The following CELF4 variants were observed in gnomAD, a reference collection of about 807,000 sequenced individuals.
The protein encoded by CELF4 is CUG-BP- and ETR-3-like factor 4.
CELF4 carries 18 observed loss-of-function variants against 59.9 expected under a neutral mutation model. The observed-to-expected ratio is 0.30, with a 90% CI of 0.21 to 0.45. CELF4 has a LOEUF of 0.45. Among genes scored for constraint, CELF4 ranks in the 20% least tolerant of loss-of-function variants. The pLI, the probability that CELF4 is intolerant of heterozygous loss-of-function variation, is 1.00. For missense variants in CELF4, 456 were observed against 689.0 expected (o/e 0.66, Z 3.79); for synonymous variants, 261 against 267.1 (o/e 0.98, Z 0.22).
chr18:37,346,221 C>A (rs371679623), intron 2 of CELF4, among the ~76,000 whole-genome samples: 2 of 152,204 alleles, frequency 1.3e-5, no homozygotes, highest in East Asian at 3.8e-4. Context: ...TCTAGTGCAG[C>A]TGCATTCCGG....
chr18:37,565,310 C>G (rs769509054), intron 1 of CELF4, 46 bp downstream of exon 1: 89 of 1,460,724 alleles, frequency 6.1e-5, no homozygotes, highest in Non-Finnish European at 8.2e-6. Context: ...GGCCCGCCAG[C>G]CCGCTCCTGC....
rs981661666 is a variant in CELF4 at position 37,273,217 on chromosome 18, C to T, written c.802-54G>A. ...ACGTGCTTCCAGGGGGCATCCCTCC[C>T]CGACAGGGGCCTCAGCTCCTGGAGA... On this transcript the variant is annotated intron_variant, in intron 6 of 12. Transcript: ENST00000420428. The T allele has an allele frequency of 2.5e-6, 4 of 1,571,406 alleles. No homozygotes were observed. In the African/African-American group the frequency reaches 5.4e-5, roughly 21 times the overall value.
chr18:37,542,081 C>T (rs1458219071), intron 1 of CELF4, among the ~76,000 whole-genome samples: 1 of 152,080 alleles, frequency 6.6e-6, no homozygotes, highest in Non-Finnish European at 1.5e-5. Context: ...TTATTCAATC[C>T]TGATGGTGTT....
At chr18:37,494,712 C>T (rs974440589) in intron 1 of CELF4, among the ~76,000 whole-genome samples, 2 of 152,142 alleles carry the variant, frequency 1.3e-5, no homozygotes, top group East Asian at 1.9e-4. Context: ...AGAGCAGAGA[C>T]TCTGGTATCC....
chr18:37,505,501 C>T (rs963198374), intron 1 of CELF4, among the ~76,000 whole-genome samples: 4 of 152,078 alleles, frequency 2.6e-5, no homozygotes, highest in East Asian at 1.9e-4. Flanking sequence ...TTTTGGGAGC[C>T]GAAACGTCGG....
chr18:37,565,208 G>A (rs1446529867), intron 1 of CELF4, 148 bp downstream of exon 1: 2 of 785,722 alleles, frequency 2.5e-6, no homozygotes, highest in African/African-American at 1.8e-5. Context: ...CCCCAGCTCT[G>A]GTCTCCGCTG....
intron 2 of CELF4, among the ~76,000 whole-genome samples, chr18:37,403,783 T>C (rs892757142): frequency 1.3e-5 from 2 of 152,208 alleles, no homozygotes; most frequent in African/African-American, 4.8e-5. Context: ...TGCAGGCTCA[T>C]GCAGATGCTG....
At chr18:37,407,130 C>T (rs973706420) in intron 2 of CELF4, among the ~76,000 whole-genome samples, 2 of 152,166 alleles carry the variant, frequency 1.3e-5, no homozygotes, top group South Asian at 2.1e-4. Context: ...CTTTGTGCCT[C>T]ACTTTCCTCC....
At chr18:37,519,703 C>T (rs1409275510) in intron 1 of CELF4, among the ~76,000 whole-genome samples, 2 of 152,228 alleles carry the variant, frequency 1.3e-5, no homozygotes, top group Non-Finnish European at 2.9e-5. Context: ...CGTCCCCCCT[C>T]AGTGGCCTGG....
chr18:37,435,786 C>A (rs1169050551), intron 2 of CELF4, among the ~76,000 whole-genome samples: 2 of 152,210 alleles, frequency 1.3e-5, no homozygotes, highest in Non-Finnish European at 2.9e-5. Context: ...GTAGCCCACC[C>A]TAGCGTGTCT....
chr18:37,443,775 C>G (rs979797012), intron 2 of CELF4, among the ~76,000 whole-genome samples: 3 of 152,170 alleles, frequency 2.0e-5, no homozygotes, highest in Non-Finnish European at 4.4e-5. Flanking sequence ...GAGCCTCCTT[C>G]TGTGTTCACA....
chr18:37,386,166 C>T (rs948293742), intron 2 of CELF4, among the ~76,000 whole-genome samples: 7 of 152,202 alleles, frequency 4.6e-5, no homozygotes, highest in African/African-American at 1.2e-4. Context: ...GCACATACCC[C>T]GCTGTCCCCC....
chr18:37,264,709 T>A lies in CELF4; in HGVS notation c.1214A>T (p.Gln405Leu). Residue 405 changes from glutamine to leucine, a missense_variant, in exon 10 of 13, where the codon CAG (glutamine) becomes CTG (leucine). Physicochemically the swap from Gln to Leu is moderately radical, Grantham distance 113 (BLOSUM62 -2). Coordinates refer to ENST00000420428, the MANE Select transcript of CELF4 (RefSeq NM_020180.4). Reference sequence around the variant, plus strand: ...CTGCTGGGGGATCATTGGAGGCGGCTGAGGAAAGGCCTGGCTTATCTGACC... The same window carrying A: ...CTGCTGGGGGATCATTGGAGGCGGCAGAGGAAAGGCCTGGCTTATCTGACC... ...AYGQISQAFP[Q>L]PPPMIPQQQR... is the part of the protein sequence containing the mutation. The A allele has an allele frequency of 6.3e-7, 1 of 1,581,134 alleles. No homozygotes were observed.
intron 1 of CELF4, among the ~76,000 whole-genome samples, chr18:37,526,881 CT>C (rs762016268): frequency 0.2 from 872 of 4,276 alleles, 15 homozygotes; most frequent in Middle Eastern, 0.5. Context: ...ATTATGAAAA[CT>C]CGATTTGCAA....
intron 2 of CELF4, among the ~76,000 whole-genome samples, chr18:37,403,145 G>T (rs2099349333): frequency 6.6e-6 from 1 of 151,826 alleles, no homozygotes; most frequent in Non-Finnish European, 1.5e-5. Context: ...GACAGGCAGA[G>T]AGAGAAGGAA....
intron 1 of CELF4, among the ~76,000 whole-genome samples, chr18:37,542,154 G>A (rs1229846613): frequency 6.6e-6 from 1 of 152,138 alleles, no homozygotes; most frequent in Non-Finnish European, 1.5e-5. Context: ...TCCTGGACTG[G>A]CTCTTGTGTA....
At chr18:37,257,314 G>T (rs971125465) in intron 11 of CELF4, among the ~76,000 whole-genome samples, 2 of 152,160 alleles carry the variant, frequency 1.3e-5, no homozygotes, top group Non-Finnish European at 2.9e-5. Context: ...TAACATTTGG[G>T]ACTTCCTTAA....
chr18:37,474,102 T>C (rs1425151442), intron 2 of CELF4: 1 of 152,256 alleles, frequency 6.6e-6, no homozygotes, highest in Admixed American at 6.5e-5. Flanking sequence ...TGCATGGTTA[T>C]GTTGCTGAAG....
rs532350503 is a variant in CELF4 at position 37,387,241 on chromosome 18, G to C, written c.370-65360C>G. Reference sequence around the variant, plus strand: ...CCCGGCAACCAGGGCCATCCCGAGTGGGGGGCTGGGCCAACTGAACCCCAT... The same window carrying C: ...CCCGGCAACCAGGGCCATCCCGAGTCGGGGGCTGGGCCAACTGAACCCCAT... On this transcript the variant is annotated intron_variant, in intron 2 of 12. Transcript: ENST00000420428. Among the ~76,000 whole-genome samples, 102 of 152,344 alleles carry C rather than the reference G, an allele frequency of 6.7e-4. 1 individual carries two copies. The highest frequency in any genetic ancestry group is 2.4e-4 in the African/African-American group (10 of 41,580).
Sources: allele counts gnomAD v4.1 joint callset (sites outside exome capture counted in the v4.1 genomes callset), GRCh38; gene constraint gnomAD v4.1.1; transcripts MANE v1.5; gene names NCBI Gene and HGNC (gene_info 2026-07-23, HGNC 2026-07-21).